Variants in KCNQ1 observed in about 807,000 individuals in gnomAD.
The protein encoded by KCNQ1 is potassium voltage-gated channel subfamily Q member 1.
Under a neutral mutation model 72.4 loss-of-function variants are expected in KCNQ1, and 49 were observed. The observed-to-expected ratio is 0.68, with a 90% CI of 0.54 to 0.86. The LOEUF (loss-of-function observed/expected upper bound fraction) is 0.86. Ranked by LOEUF, KCNQ1 falls within the 40% of genes least tolerant of loss-of-function variation. The pLI is 0.00. For missense variants in KCNQ1, 790 were observed against 945.1 expected (o/e 0.84, Z 2.15); for synonymous variants, 450 against 412.6 (o/e 1.09, Z -1.10).
rs1849806321 is a variant in KCNQ1, at chr11:2,654,456, C to A, written c.1394-7505C>A. The A allele has an allele frequency of 2.5e-6, 1 of 398,612 alleles. No homozygotes were observed. The highest frequency in any genetic ancestry group is 4.4e-5 in the Admixed American group (1 of 22,708). 24.7% of individuals were successfully genotyped at this position (398,612 alleles called of 1,614,324 possible). A position where few individuals can be genotyped will look rare whatever the true frequency, so the allele number is the denominator to read the frequency against. ...GAAGGCAAGGTTCCCGTGCTGAGCG[C>A]CAGGCACACATAAGCCCTGCAGCCG... On this transcript the variant is annotated intron_variant, in intron 10 of 15. Coordinates refer to ENST00000155840, the MANE Select transcript of KCNQ1 (RefSeq NM_000218.3). This position sits in a 1 kb window ranked among gnomAD's most constrained non-coding sequence, Gnocchi z 6.4.
In KCNQ1 at chr11:2,447,478, C is replaced by T. The variant is rs191227913; in HGVS notation, c.386+1994C>T. On this transcript the variant is annotated intron_variant, in intron 1 of 15. Coordinates refer to ENST00000155840, the MANE Select transcript of KCNQ1 (RefSeq NM_000218.3). This position sits in a 1 kb window ranked among gnomAD's most constrained non-coding sequence, Gnocchi z 7.6. ...ATGTGGGGTGGGACTGGAGGTGGACCCTGACTGGGCAGGACATGTGGCTTG... is the reference window on the plus strand; with the variant it reads ...ATGTGGGGTGGGACTGGAGGTGGACTCTGACTGGGCAGGACATGTGGCTTG... Among the ~76,000 whole-genome samples, 24 of 152,164 alleles carry T rather than the reference C, an allele frequency of 1.6e-4. No individual in the cohort carries two copies. Among genetic ancestry groups the T allele is most frequent in the African/African-American group, 5.8e-4 (24 of 41,522 alleles).
intron 11 of KCNQ1, chr11:2,696,763 AGTC>A (rs1230259983): frequency 2.5e-6 from 1 of 398,608 alleles, no homozygotes; most frequent in African/African-American, 2.1e-5. Flanking sequence ...TTTCCATAAA[AGTC>A]GTCGTCTTTG....
At chr11:2,639,622 A>G (rs1196851030) in intron 10 of KCNQ1, 1 of 152,330 alleles carries the variant, frequency 6.6e-6, no homozygotes, top group Non-Finnish European at 1.5e-5. Context: ...GTCTGCCCCT[A>G]CTGGGGAGTG....
chr11:2,568,438 G>A (rs555400750), intron 2 of KCNQ1, among the ~76,000 whole-genome samples: 9 of 152,330 alleles, frequency 5.9e-5, no homozygotes, highest in South Asian at 2.1e-4. Flanking sequence ...CCTCTGTGCC[G>A]TCATGGGCAC....
chr11:2,725,497 C>T lies in KCNQ1; in HGVS notation c.1515-43347C>T, dbSNP rs919825275. Reference sequence around the variant, plus strand: ...TTGGGGGTCCCCAATCGTCTTCGAGCTACTGATATAGAACCTCTGCGTTTA... The same window carrying T: ...TTGGGGGTCCCCAATCGTCTTCGAGTTACTGATATAGAACCTCTGCGTTTA... On this transcript the variant is annotated intron_variant, in intron 11 of 15. Coordinates refer to ENST00000155840, the MANE Select transcript of KCNQ1 (RefSeq NM_000218.3). The surrounding 1 kb of genome is among the most constrained non-coding windows in gnomAD (Gnocchi z 7.2). Among the ~76,000 whole-genome samples, 15 of 152,204 alleles carry T rather than the reference C, an allele frequency of 9.9e-5. No homozygotes were observed. The highest frequency in any genetic ancestry group is 2.0e-4 in the Admixed American group (3 of 15,290).
rs748890316 is a variant in KCNQ1, at chr11:2,547,805, C to A, written c.477+19787C>A. Among the ~76,000 whole-genome samples the A allele has an allele frequency of 1.7e-4, 26 of 152,128 alleles. No individual in the cohort carries two copies. Among genetic ancestry groups the A allele is most frequent in the Non-Finnish European group, 2.8e-4 (19 of 68,030 alleles). Reference sequence around the variant, plus strand: ...GGAGGGGCGGCAGTTCTCAGTGGAGCGGCCGGGCTGCGAGTCTCTGTATGG... The same window carrying A: ...GGAGGGGCGGCAGTTCTCAGTGGAGAGGCCGGGCTGCGAGTCTCTGTATGG... On this transcript the variant is annotated intron_variant, in intron 2 of 15. Coordinates refer to ENST00000155840, the MANE Select transcript of KCNQ1 (RefSeq NM_000218.3). This position sits in a 1 kb window ranked among gnomAD's most constrained non-coding sequence, Gnocchi z 4.2.
intron 15 of KCNQ1, among the ~76,000 whole-genome samples, chr11:2,836,666 C>T (rs903862916): frequency 5.9e-5 from 9 of 152,362 alleles, no homozygotes; most frequent in East Asian, 1.9e-4. Flanking sequence ...CGTGATTCTA[C>T]GTGCAGCCTC....
chr11:2,740,448 G>A (rs1048916919), intron 11 of KCNQ1, among the ~76,000 whole-genome samples: 4 of 152,202 alleles, frequency 2.6e-5, no homozygotes, highest in Non-Finnish European at 1.5e-5. Flanking sequence ...GACAGATGGG[G>A]CGAGGGACCC....
At position 2,515,401 on chromosome 11, in the gene KCNQ1, GCGGAGCCCC is replaced by G. The variant is rs1847271717; in HGVS notation, c.387-12526_387-12518del. Among the ~76,000 whole-genome samples the G allele has an allele frequency of 1.7e-4, 9 of 51,978 alleles. No individual in the cohort carries two copies. The South Asian group carries it at 3.5e-3, about 20-fold the overall frequency. 34.1% of individuals were successfully genotyped at this position (51,978 alleles called of 152,430 possible). On this transcript the variant is annotated intron_variant, in intron 1 of 15. Coordinates refer to ENST00000155840, the MANE Select transcript of KCNQ1 (RefSeq NM_000218.3). The surrounding 1 kb of genome is among the most constrained non-coding windows in gnomAD (Gnocchi z 4.7). Reference sequence around the variant, plus strand: ...TAACGCCTGCCCTGTGTGAGGGAGGGCGGAGCCCCTGGCCCAGGGGCGGGGAGGCCTGTC... The same window carrying G: ...TAACGCCTGCCCTGTGTGAGGGAGGGTGGCCCAGGGGCGGGGAGGCCTGTC...
At chr11:2,662,606 C>T (rs1237809955) in intron 11 of KCNQ1, 5 of 416,436 alleles carry the variant, frequency 1.2e-5, no homozygotes, top group East Asian at 3.4e-5. Flanking sequence ...CCCGCCGTCA[C>T]GGCATGGCCA....
rs1847962374 is a variant in KCNQ1 at position 2,550,203 on chromosome 11, TGCCGTTGCCGGGACTGG to T, written c.478-20419_478-20403del. On this transcript the variant is annotated intron_variant, in intron 2 of 15. Transcript: ENST00000155840. This position sits in a 1 kb window ranked among gnomAD's most constrained non-coding sequence, Gnocchi z 6.0. The stretch of plus-strand genomic sequence containing the variant: ...TGCACGTCCCTCCCCCGCCTCTCTT[TGCCGTTGCCGGGACTGG>T]GCCGTGTGCCTGGAGTTTGAACTTT... Among the ~76,000 whole-genome samples the T allele has an allele frequency of 6.6e-6, 1 of 152,230 alleles. No individual in the cohort carries two copies. The highest frequency in any genetic ancestry group is 2.1e-4 in the South Asian group (1 of 4,832).
intron 6 of KCNQ1, among the ~76,000 whole-genome samples, chr11:2,574,037 AAGTCG>A (rs2133734916): frequency 6.6e-6 from 1 of 152,270 alleles, no homozygotes; most frequent in East Asian, 1.9e-4. Context: ...CCTCCAGTGA[AAGTCG>A]GCGTTTATAT....
At chr11:2,531,002 C>T (rs984096690) in intron 2 of KCNQ1, among the ~76,000 whole-genome samples, 11 of 152,114 alleles carry the variant, frequency 7.2e-5, no homozygotes, top group African/African-American at 1.4e-4. Context: ...AATGGAGCCC[C>T]GGTGCTAACG....
intron 2 of KCNQ1, 134 bp from the exon 3 acceptor site, chr11:2,570,494 A>C: frequency 8.3e-7 from 1 of 1,198,728 alleles, no homozygotes; most frequent in Non-Finnish European, 1.2e-6. Flanking sequence ...GCAGCAGGCC[A>C]GGACCCGGGC....
rs984238299 is a variant in KCNQ1 at position 2,815,853 on chromosome 11, G to T, written c.1795-31914G>T. Reference sequence around the variant, plus strand: ...GCCACACCCTCACCCAAGGCAAGTTGCTCAGGGGGTCTCCAGGCTGTATCT... The same window carrying T: ...GCCACACCCTCACCCAAGGCAAGTTTCTCAGGGGGTCTCCAGGCTGTATCT... On this transcript the variant is annotated intron_variant, in intron 15 of 15. Transcript: ENST00000155840. The surrounding 1 kb of genome is among the most constrained non-coding windows in gnomAD (Gnocchi z 5.4). Among the ~76,000 whole-genome samples, 1 of 152,216 alleles carries T rather than the reference G, an allele frequency of 6.6e-6. No homozygotes were observed. The highest frequency in any genetic ancestry group is 2.4e-5 in the African/African-American group (1 of 41,466).
rs1850316361 is a variant in KCNQ1, at chr11:2,677,619, A to G, written c.1514+15538A>G. On this transcript the variant is annotated intron_variant, in intron 11 of 15. Transcript: ENST00000155840. This position sits in a 1 kb window ranked among gnomAD's most constrained non-coding sequence, Gnocchi z 4.5. ...CCCTCTGGATTTGTTTTTTTCTAAA[A>G]CGTGTACATAATTGTAACTCTAACA... The G allele has an allele frequency of 2.5e-6, 1 of 398,532 alleles. No individual in the cohort carries two copies. The highest frequency in any genetic ancestry group is 2.1e-5 in the African/African-American group (1 of 48,652). 24.7% of individuals were successfully genotyped at this position (398,532 alleles called of 1,614,324 possible). A position where few individuals can be genotyped will look rare whatever the true frequency, so the allele number is the denominator to read the frequency against.
At chr11:2,616,225 T>C in intron 10 of KCNQ1, 1 of 397,598 alleles carries the variant, frequency 2.5e-6, no homozygotes, top group Non-Finnish European at 4.4e-6. Flanking sequence ...TTATTTTTGT[T>C]TTTTTTTGTT....
At chr11:2,594,144 G>T (rs149886891) in intron 10 of KCNQ1, among the ~76,000 whole-genome samples, 2 of 152,276 alleles carry the variant, frequency 1.3e-5, no homozygotes, top group African/African-American at 4.8e-5. Flanking sequence ...TAAACTCTCA[G>T]TTTCAGTTTG....
chr11:2,709,266 G>T (rs1183104777), intron 11 of KCNQ1, among the ~76,000 whole-genome samples: 9 of 126,028 alleles, frequency 7.1e-5, no homozygotes, highest in African/African-American at 2.6e-4. Context: ...AGGACTTCTG[G>T]CTCCCTGTTC....
Sources: gnomAD v4.1 joint callset for allele counts (sites outside exome capture counted in the v4.1 genomes callset) on GRCh38, gnomAD v4.1.1 for gene constraint, Gnocchi (gnomAD v3.1) non-coding constraint, MANE v1.5 for transcripts, NCBI Gene and HGNC (gene_info 2026-07-23, HGNC 2026-07-21) for gene names.